The following ZMAT1 variants were observed in gnomAD, a reference collection of about 807,000 sequenced individuals.
ZMAT1 encodes the protein zinc finger matrin-type 1.
In ZMAT1, 11 loss-of-function variants were observed where a neutral mutation model predicts 18.5. The ratio of observed to expected loss-of-function variants is 0.59; its 90% CI spans 0.37 to 0.98. The LOEUF is 0.98. Ranked by LOEUF, ZMAT1 falls within the 50% of genes least tolerant of loss-of-function variation. The pLI is 0.01. For missense variants in ZMAT1, 525 were observed against 496.2 expected (o/e 1.06, Z -0.55); for synonymous variants, 211 against 176.4 (o/e 1.20, Z -1.55).
Position 101,884,125 on chromosome X carries a change from T to C in ZMAT1, c.1473A>G (p.Arg491=). Residue 491 remains arginine, a synonymous_variant, in exon 6 of 6, where the codon AGA becomes AGG. Transcript: ENST00000651725. The stretch of plus-strand genomic sequence containing the variant: ...TTTGCTCCAACATTCTATGTCTGGG[T>C]CTGACATCAACCATTTCTCTGTTCC... The part of the protein sequence containing the change: ...THRNREMVDV[R]PRHRMLEQKL... 1 of 1,209,828 alleles carries C rather than the reference T, an allele frequency of 8.3e-7. No homozygotes were observed. The highest frequency in any genetic ancestry group is 1.8e-5 in the South Asian group (1 of 56,970).
At chrX:101,920,043 C>CT (rs34092477) in intron 1 of ZMAT1, among the ~76,000 whole-genome samples, 33,568 of 93,772 alleles carry the variant, frequency 0.36, 5,440 homozygotes, top group East Asian at 0.89. Flanking sequence ...ATTTATTACA[C>CT]TTTTTTTTTT....
intron 1 of ZMAT1, among the ~76,000 whole-genome samples, chrX:101,912,886 G>A (rs1432562754): frequency 8.9e-6 from 1 of 111,929 alleles, no homozygotes; most frequent in Non-Finnish European, 1.9e-5. Flanking sequence ...ACTTTGAGAT[G>A]GCTTTTACTG....
intron 1 of ZMAT1, chrX:101,911,537 C>T (rs1252552871): frequency 3.1e-5 from 33 of 1,080,567 alleles, no homozygotes; most frequent in Middle Eastern, 2.5e-4. Flanking sequence ...AGTCACCTCA[C>T]CCAACAACAG....
chrX:101,900,013 G>A (rs1369627086), intron 2 of ZMAT1, among the ~76,000 whole-genome samples: 2 of 111,793 alleles, frequency 1.8e-5, no homozygotes, highest in Non-Finnish European at 3.8e-5. Flanking sequence ...GGAGTAAGGT[G>A]GTATCGCATT....
chrX:101,887,262 T>C (rs776368421), intron 4 of ZMAT1: 10 of 752,156 alleles, frequency 1.3e-5, no homozygotes, highest in Non-Finnish European at 1.4e-5. Flanking sequence ...AGGAGAGAGG[T>C]TCAGTGAGCC....
chrX:101,885,351 C>T (rs944218673), intron 5 of ZMAT1, among the ~76,000 whole-genome samples: 3 of 111,340 alleles, frequency 2.7e-5, no homozygotes, highest in African/African-American at 9.8e-5. Context: ...ATTCTGTAAT[C>T]TTGAGATTTT....
chrX:101,913,051 G>T (rs1478885885), intron 1 of ZMAT1, among the ~76,000 whole-genome samples: 1 of 111,897 alleles, frequency 8.9e-6, no homozygotes, highest in Non-Finnish European at 1.9e-5. Context: ...AAGTTAAGGT[G>T]AGTTTTTATT....
chrX:101,911,657 C>T, intron 1 of ZMAT1: 1 of 1,205,391 alleles, frequency 8.3e-7, no homozygotes, highest in Non-Finnish European at 1.1e-6. Context: ...GAGAAGCCAG[C>T]CCTACGAATG....
intron 1 of ZMAT1, among the ~76,000 whole-genome samples, chrX:101,904,581 G>T (rs780008366): frequency 9.0e-6 from 1 of 110,898 alleles, no homozygotes; most frequent in East Asian, 2.8e-4. Context: ...AATCATTATG[G>T]GGGCACCAGT....
intron 5 of ZMAT1, among the ~76,000 whole-genome samples, chrX:101,885,947 G>T (rs1348971749): frequency 9.0e-6 from 1 of 111,590 alleles, no homozygotes; most frequent in Non-Finnish European, 1.9e-5. Flanking sequence ...TGGGATTACA[G>T]GCATAAGCCA....
intron 1 of ZMAT1, among the ~76,000 whole-genome samples, chrX:101,910,398 C>T (rs923669665): frequency 1.8e-5 from 2 of 112,174 alleles, no homozygotes; most frequent in Non-Finnish European, 1.9e-5. Flanking sequence ...AACACCATTC[C>T]GAAAAACATG....
At chrX:101,922,923 C>T (rs1929821266) in intron 1 of ZMAT1, among the ~76,000 whole-genome samples, 1 of 111,422 alleles carries the variant, frequency 9.0e-6, no homozygotes, top group Non-Finnish European at 1.9e-5. Flanking sequence ...AGGCCAGCCT[C>T]AGGGAGCAGA....
chrX:101,916,064 T>TAA (rs1929302882), intron 1 of ZMAT1, among the ~76,000 whole-genome samples: 1 of 111,516 alleles, frequency 9.0e-6, no homozygotes. Flanking sequence ...TGCAGCCACA[T>TAA]AAAGGAATGA....
chrX:101,912,332 C>T (rs770317645), intron 1 of ZMAT1, among the ~76,000 whole-genome samples: 2 of 111,768 alleles, frequency 1.8e-5, no homozygotes, highest in East Asian at 5.6e-4. Context: ...CAGCCTCGAA[C>T]ACCCATTAGT....
intron 1 of ZMAT1, among the ~76,000 whole-genome samples, chrX:101,909,270 C>T (rs1457080310): frequency 4.5e-5 from 5 of 111,044 alleles, no homozygotes; most frequent in Non-Finnish European, 9.4e-5. Flanking sequence ...AGCAGTGATA[C>T]CCAGGAACTA....
At chrX:101,929,436 TATATA>T (rs1342450037) in intron 1 of ZMAT1, among the ~76,000 whole-genome samples, 2 of 72,117 alleles carry the variant, frequency 2.8e-5, no homozygotes, top group Admixed American at 1.4e-4. Flanking sequence ...TATATATATA[TATATA>T]TATATATATA....
At chrX:101,890,037 T>C (rs1228598612) in intron 4 of ZMAT1, 1 of 112,152 alleles carries the variant, frequency 8.9e-6, no homozygotes, top group Non-Finnish European at 1.9e-5. Flanking sequence ...ATGGGTACTA[T>C]ATATACTACT....
intron 5 of ZMAT1, among the ~76,000 whole-genome samples, chrX:101,885,330 G>A (rs1213289576): frequency 9.0e-6 from 1 of 111,496 alleles, no homozygotes; most frequent in Non-Finnish European, 1.9e-5. Context: ...TTATAAATGT[G>A]ATATGTGTTT....
intron 1 of ZMAT1, among the ~76,000 whole-genome samples, chrX:101,909,005 A>G (rs146767974): frequency 7.6e-4 from 82 of 107,495 alleles, no homozygotes; most frequent in African/African-American, 2.7e-3. Flanking sequence ...TCCAAAAGAG[A>G]CCTCTTCCTT....
Sources: allele counts gnomAD v4.1 joint callset (sites outside exome capture counted in the v4.1 genomes callset), GRCh38; gene constraint gnomAD v4.1.1; transcripts MANE v1.5; gene names NCBI Gene and HGNC (gene_info 2026-07-23, HGNC 2026-07-21).